Variants in VWA2 observed in about 807,000 individuals in gnomAD.
The protein encoded by VWA2 is von Willebrand factor A domain containing 2.
In VWA2, 73 loss-of-function variants were observed where a neutral mutation model predicts 70.4. That is an observed-to-expected ratio of 1.04 (90% CI 0.86 to 1.26). VWA2 has a LOEUF of 1.26. Among genes scored for constraint, VWA2 ranks in the 50% most tolerant of loss-of-function variants. The pLI is 0.00. For missense variants in VWA2, 1,011 were observed against 998.5 expected (o/e 1.01, Z -0.17); for synonymous variants, 407 against 423.3 (o/e 0.96, Z 0.47).
intron 5 of VWA2, among the ~76,000 whole-genome samples, chr10:114,264,505 C>G (rs549889884): frequency 1.3e-5 from 2 of 152,044 alleles, no homozygotes; most frequent in East Asian, 3.9e-4. Flanking sequence ...GCAAGCTCCA[C>G]CTCCTAGGTT....
At chr10:114,253,150 C>T (rs2037234074) in intron 2 of VWA2, among the ~76,000 whole-genome samples, 3 of 140,696 alleles carry the variant, frequency 2.1e-5, no homozygotes, top group Middle Eastern at 3.5e-3. Context: ...CCTGTGGCCT[C>T]CTCAGTGTCT....
At chr10:114,271,135 T>G (rs1404182832) in intron 5 of VWA2, among the ~76,000 whole-genome samples, 1 of 152,240 alleles carries the variant, frequency 6.6e-6, no homozygotes, top group Non-Finnish European at 1.5e-5. Context: ...TGGGAGTTCT[T>G]TAAGGGATGG....
At chr10:114,283,240 G>A (rs552897765) in intron 9 of VWA2, among the ~76,000 whole-genome samples, 88 of 152,132 alleles carry the variant, frequency 5.8e-4, no homozygotes, top group African/African-American at 2.0e-3. Flanking sequence ...AAGCAATGCC[G>A]GCAGTTAGAC....
chr10:114,274,898 T>C lies in VWA2; in HGVS notation c.566+1964T>C, dbSNP rs140314244. Among the ~76,000 whole-genome samples the C allele has an allele frequency of 2.4e-4, 37 of 151,816 alleles. No homozygotes were observed. In the East Asian group the frequency reaches 5.4e-3, roughly 22 times the overall value. On this transcript the variant is annotated intron_variant, in intron 6 of 13. Transcript: ENST00000392982. ...GAGGATTTTGACTTGAGCCCCAGAG[T>C]GAATAGTGGTGCCATCTCCCGACAT...
At chr10:114,281,787 T>G in intron 8 of VWA2, 7 of 980,190 alleles carry the variant, frequency 7.1e-6, no homozygotes, top group Non-Finnish European at 8.5e-6. Context: ...AGGAATACAG[T>G]TGAAAAGTGA....
At chr10:114,246,194 A>T (rs1329441746) in intron 1 of VWA2, 1 of 1,175,188 alleles carries the variant, frequency 8.5e-7, no homozygotes, top group South Asian at 1.2e-5. Flanking sequence ...ACACCAAGAG[A>T]CCTACAAAAG....
chr10:114,262,663 C>T (rs766347109), intron 5 of VWA2, among the ~76,000 whole-genome samples: 4 of 152,184 alleles, frequency 2.6e-5, no homozygotes, highest in Non-Finnish European at 4.4e-5. Context: ...ACAATGGGCA[C>T]AGCAGGGACT....
chr10:114,284,991 C>G (rs377069050), intron 10 of VWA2, 21 bp downstream of exon 10: 447 of 1,542,116 alleles, frequency 2.9e-4, no homozygotes, highest in Non-Finnish European at 3.8e-4. Flanking sequence ...ACCGGCCCTG[C>G]AAGACTGACC....
chr10:114,264,074 G>T (rs1347787808), intron 5 of VWA2, among the ~76,000 whole-genome samples: 1 of 152,202 alleles, frequency 6.6e-6, no homozygotes, highest in African/African-American at 2.4e-5. Context: ...AGTGGTGCCT[G>T]CCACATTGGA....
intron 4 of VWA2, among the ~76,000 whole-genome samples, chr10:114,259,194 G>A (rs1467373695): frequency 6.6e-6 from 1 of 152,152 alleles, no homozygotes; most frequent in Non-Finnish European, 1.5e-5. Context: ...CGAAAACATT[G>A]TATATGTTTT....
intron 5 of VWA2, among the ~76,000 whole-genome samples, chr10:114,262,945 G>A (rs148056164): frequency 2.8e-4 from 43 of 152,222 alleles, no homozygotes; most frequent in Non-Finnish European, 5.4e-4. Context: ...CCGTATCTTT[G>A]ACTAAGACAC....
chr10:114,261,581 T>A (rs1053777502), intron 5 of VWA2, among the ~76,000 whole-genome samples: 1 of 152,114 alleles, frequency 6.6e-6, no homozygotes, highest in African/African-American at 2.4e-5. Flanking sequence ...ACGAATGGGG[T>A]TAAGAGCCTG....
chr10:114,289,350 T>C lies in VWA2; in HGVS notation c.1983T>C (p.Ser661=). Residue 661 remains serine, a synonymous_variant, in exon 12 of 14, where the codon TCT becomes TCC. Transcript: ENST00000392982. ...PAQKLRNNGI[S]VLVVGVGPVL... is the part of the protein sequence containing the mutation. ...AGAAGCTGAGGAACAATGGCATCTC[T>C]GTCTTGGTCGTGGGCGTGGGGCCTG... 1 of 1,614,236 alleles carries C rather than the reference T, an allele frequency of 6.2e-7. No individual in the cohort carries two copies. Among genetic ancestry groups the C allele is most frequent in the Non-Finnish European group, 8.5e-7 (1 of 1,180,028 alleles).
chr10:114,246,439 A>G lies in VWA2; in HGVS notation c.-10-2265A>G, dbSNP rs1198885072. 16 of 608,124 alleles carry G rather than the reference A, an allele frequency of 2.6e-5. No individual in the cohort carries two copies. The East Asian group carries it at 4.5e-4, about 17-fold the overall frequency. 37.7% of individuals were successfully genotyped at this position (608,124 alleles called of 1,614,324 possible). Reference sequence around the variant, plus strand: ...TCGCTTGAACCCGGGAGGCAGAGGTAGCAGTGAGCCAAGACCATGCCATTG... The same window carrying G: ...TCGCTTGAACCCGGGAGGCAGAGGTGGCAGTGAGCCAAGACCATGCCATTG... On this transcript the variant is annotated intron_variant, in intron 1 of 13. Coordinates refer to ENST00000392982, the MANE Select transcript of VWA2 (RefSeq NM_001272046.2).
Position 114,290,277 on chromosome 10 carries a change from G to A in VWA2, c.2160G>A (p.Pro720=), listed in dbSNP as rs773604676. The A allele has an allele frequency of 4.0e-5, 62 of 1,550,432 alleles. 1 individual carries two copies. The South Asian group carries it at 4.3e-4, about 11-fold the overall frequency. ...KQPVNLCKPS[P]CMNEGSCVLQ... ...CAGTCAACCTCTGCAAACCCAGCCC[G>A]TGCATGAATGAGGGCAGCTGCGTCC... Residue 720 remains proline (P), a synonymous_variant, in exon 13 of 14, where the codon CCG becomes CCA. Coordinates refer to ENST00000392982, the MANE Select transcript of VWA2 (RefSeq NM_001272046.2).
At chr10:114,242,684 C>CT (rs11437859) in intron 1 of VWA2, among the ~76,000 whole-genome samples, 152,328 of 152,328 alleles carry the variant, frequency 1, 76,164 homozygotes, top group Non-Finnish European at 1. Flanking sequence ...GGACTCTAAG[C>CT]TGGGTTTTTC....
At position 114,286,325 on chromosome 10, in the gene VWA2, G is replaced by A. The variant is rs977751677; in HGVS notation, c.1384G>A (p.Ala462Thr). ...LTESHSEDEV[A>T]GPARHARARE... ...TGAGTCACACTCCGAGGATGAGGTT[G>A]CGGGCCCAGCGCGTCACGCAAGGGC... The change falls in exon 11 of 14, where the codon GCG becomes ACG. Residue 462 changes from alanine (A) to threonine (T), a missense_variant. By Grantham distance (58) the Ala-to-Thr change is moderately conservative (BLOSUM62 0). Transcript: ENST00000392982. 6.2e-7 allele frequency: 1 copy of A among 1,612,630 alleles called. No individual in the cohort carries two copies. Among genetic ancestry groups the A allele is most frequent in the Non-Finnish European group, 8.5e-7 (1 of 1,179,222 alleles).
rs1491254322 is a variant in VWA2, at chr10:114,251,821, T to TA, written c.53-1830_53-1829insA. ...AATGCAGTGAGCAGAAAACCTGTAA[T>TA]TTTTTTTTTTTTTTTTTTTTGAGAT... On this transcript the variant is annotated intron_variant, in intron 2 of 13. Transcript: ENST00000392982. Among the ~76,000 whole-genome samples, 20 of 63,698 alleles carry TA rather than the reference T, an allele frequency of 3.1e-4. No homozygotes were observed. In the East Asian group the frequency reaches 8.0e-3, roughly 25 times the overall value. The allele number at this position is 63,698 out of a possible 152,430, so 41.8% of individuals were successfully genotyped here. A position where few individuals can be genotyped will look rare whatever the true frequency, so the allele number is the denominator to read the frequency against.
At chr10:114,287,244 G>A (rs1047097140) in intron 11 of VWA2, among the ~76,000 whole-genome samples, 8 of 152,084 alleles carry the variant, frequency 5.3e-5, no homozygotes, top group Non-Finnish European at 1.0e-4. Flanking sequence ...GCAGTGGCAC[G>A]ATCATAGCTC....
Sources: gnomAD v4.1 joint callset for allele counts (sites outside exome capture counted in the v4.1 genomes callset) on GRCh38, gnomAD v4.1.1 for gene constraint, MANE v1.5 for transcripts, NCBI Gene and HGNC (gene_info 2026-07-23, HGNC 2026-07-21) for gene names.